Variants in RBM26 observed in about 807,000 individuals in gnomAD.
RBM26 encodes the protein RNA binding motif protein 26, also known as RNA-binding protein 26.
Under a neutral mutation model 123.6 loss-of-function variants are expected in RBM26, and 30 were observed. The observed-to-expected ratio is 0.24, with a 90% CI of 0.18 to 0.33. The LOEUF is 0.33. RBM26 is among the 10% of genes least tolerant of loss of function. The pLI is 1.00. For synonymous variants in RBM26, 400 were observed against 404.4 expected, an observed-to-expected ratio of 0.99 and a Z score of 0.13; for missense variants, 947 against 1,203.6, an observed-to-expected ratio of 0.79 and a Z score of 3.15.
rs143167088 is a variant in RBM26, at chr13:79,361,341, A to G, written c.1418-1655T>C. Among the ~76,000 whole-genome samples, 3 of 152,144 alleles carry G rather than the reference A, an allele frequency of 2.0e-5. No homozygotes were observed. In the East Asian group the frequency reaches 5.8e-4, roughly 29 times the overall value. ...TGATACCTCCCATCAACATTCAAAC[A>G]TTACAGCTCTAATTACTCCATTTTA... is the stretch of plus-strand genomic sequence containing the variant. On this transcript the variant is annotated intron_variant, in intron 9 of 21. Coordinates refer to ENST00000438737, the MANE Select transcript of RBM26 (RefSeq NM_001366735.2).
intron 1 of RBM26, among the ~76,000 whole-genome samples, 178 bp downstream of exon 1, chr13:79,405,526 T>G (rs961077872): frequency 6.6e-6 from 1 of 151,078 alleles, no homozygotes; most frequent in Non-Finnish European, 1.5e-5. Flanking sequence ...CGACTCAGGC[T>G]CTCGGGGGTA....
chr13:79,333,407 C>G (rs1463535505), intron 20 of RBM26, among the ~76,000 whole-genome samples: 1 of 152,126 alleles, frequency 6.6e-6, no homozygotes, highest in African/African-American at 2.4e-5. Flanking sequence ...TACAATGCCC[C>G]AAGGGCAACT....
intron 11 of RBM26, 75 bp downstream of exon 11, chr13:79,358,199 T>C: frequency 2.4e-6 from 3 of 1,245,784 alleles, no homozygotes; most frequent in Middle Eastern, 2.6e-4. Context: ...TATTTATTTA[T>C]AAAGGTAGTT....
intron 20 of RBM26, among the ~76,000 whole-genome samples, chr13:79,329,009 C>T (rs1306743532): frequency 6.6e-6 from 1 of 151,262 alleles, no homozygotes; most frequent in Non-Finnish European, 1.5e-5. Context: ...AAAAAGCATT[C>T]TCATACATCT....
chr13:79,398,148 C>G (rs1333470382), intron 1 of RBM26, among the ~76,000 whole-genome samples: 1 of 152,180 alleles, frequency 6.6e-6, no homozygotes, highest in Non-Finnish European at 1.5e-5. Flanking sequence ...GTAGGAACAG[C>G]TTACCATTCA....
chr13:79,398,229 A>T (rs1049773798), intron 1 of RBM26, among the ~76,000 whole-genome samples: 1 of 152,228 alleles, frequency 6.6e-6, no homozygotes, highest in Non-Finnish European at 1.5e-5. Context: ...CTTACAAGCT[A>T]TTTAGCTCAA....
intron 20 of RBM26, among the ~76,000 whole-genome samples, chr13:79,331,842 T>C (rs1465732805): frequency 6.6e-6 from 1 of 152,170 alleles, no homozygotes. Context: ...TGAGTACTTA[T>C]CCAACTTTAG....
chr13:79,371,456 G>A (rs146088171), intron 4 of RBM26, among the ~76,000 whole-genome samples: 23 of 151,978 alleles, frequency 1.5e-4, no homozygotes, highest in East Asian at 7.7e-4. Context: ...ATACTATCCC[G>A]TACATATAAT....
At chr13:79,380,106 A>T (rs1324447324) in intron 1 of RBM26, among the ~76,000 whole-genome samples, 1 of 152,206 alleles carries the variant, frequency 6.6e-6, no homozygotes, top group African/African-American at 2.4e-5. Flanking sequence ...CTACGAATTT[A>T]TTCTACACAT....
intron 5 of RBM26, among the ~76,000 whole-genome samples, chr13:79,370,574 T>A (rs927840928): frequency 6.6e-6 from 1 of 152,230 alleles, no homozygotes; most frequent in Non-Finnish European, 1.5e-5. Context: ...TGTGTGGACA[T>A]ACACTTTCAT....
At position 79,373,567 on chromosome 13, in the gene RBM26, TATATA is replaced by T. The variant is rs1237187124; in HGVS notation, c.328-1642_328-1638del. On this transcript the variant is annotated intron_variant, in intron 3 of 21. Transcript: ENST00000438737. ...ATATTTATATATTACTATATATATT[TATATA>T]ATATATTTATATATTACTATATATA... Among the ~76,000 whole-genome samples the T allele has an allele frequency of 7.5e-4, 83 of 110,156 alleles. 1 individual carries two copies. The highest frequency in any genetic ancestry group is 2.4e-3 in the African/African-American group (67 of 27,490). The allele number at this position is 110,156 out of a possible 152,430, so 72.3% of individuals were successfully genotyped here. A position where few individuals can be genotyped will look rare whatever the true frequency, so the allele number is the denominator to read the frequency against.
intron 18 of RBM26, among the ~76,000 whole-genome samples, chr13:79,340,815 T>TTA (rs1188849009): frequency 6.6e-6 from 1 of 151,938 alleles, no homozygotes; most frequent in Non-Finnish European, 1.5e-5. Flanking sequence ...CTGAAAAGAC[T>TTA]TTATTATAAG....
rs549189850 is a variant in RBM26, at chr13:79,334,066, T to C, written c.2820+278A>G. Among the ~76,000 whole-genome samples, 50 of 152,188 alleles carry C rather than the reference T, an allele frequency of 3.3e-4. No homozygotes were observed. The South Asian group carries it at 9.5e-3, about 29-fold the overall frequency. ...GGTAGTGGAGTGGCCCTATCTACTA[T>C]GAAAAAGAAAGAAAGGAGAATCCCT... On this transcript the variant is annotated intron_variant, in intron 20 of 21. Coordinates refer to ENST00000438737, the MANE Select transcript of RBM26 (RefSeq NM_001366735.2).
chr13:79,314,018 T>C (rs1173121713), downstream of RBM26: 1 of 151,748 alleles, frequency 6.6e-6, no homozygotes, highest in African/African-American at 2.4e-5. Context: ...TGAGAATCTA[T>C]GAAGGAATAC....
chr13:79,386,825 T>C (rs2077534864), intron 1 of RBM26, among the ~76,000 whole-genome samples: 1 of 152,048 alleles, frequency 6.6e-6, no homozygotes, highest in African/African-American at 2.4e-5. Context: ...CAGAGGCTAG[T>C]GAACATTTTC....
At chr13:79,334,889 T>C (rs1185954036) in intron 19 of RBM26, among the ~76,000 whole-genome samples, 1 of 152,168 alleles carries the variant, frequency 6.6e-6, no homozygotes, top group Non-Finnish European at 1.5e-5. Context: ...TAATTGTTAA[T>C]TAATGGGAAG....
intron 20 of RBM26, among the ~76,000 whole-genome samples, chr13:79,332,600 T>A (rs2069616612): frequency 6.6e-6 from 1 of 152,180 alleles, no homozygotes; most frequent in African/African-American, 2.4e-5. Context: ...CTCTTTTTAG[T>A]CTATTAAGTA....
At chr13:79,376,689 T>C (rs902678825) in intron 3 of RBM26, 1 of 152,172 alleles carries the variant, frequency 6.6e-6, no homozygotes, top group African/African-American at 2.4e-5. Context: ...CCCTACTAAA[T>C]ACATGTATGA....
At chr13:79,334,553 T>C (rs2069977054) in intron 19 of RBM26, 123 bp from the exon 20 acceptor site, 3 of 499,702 alleles carry the variant, frequency 6.0e-6, no homozygotes, top group South Asian at 3.2e-5. Flanking sequence ...CAATTCATAA[T>C]GGTTAACAGA....
Sources: gnomAD v4.1 joint callset for allele counts (sites outside exome capture counted in the v4.1 genomes callset) on GRCh38, gnomAD v4.1.1 for gene constraint, MANE v1.5 for transcripts, NCBI Gene and HGNC (gene_info 2026-07-23, HGNC 2026-07-21) for gene names.